CNTN4: variants seen among roughly 807,000 people sequenced by gnomAD.
CNTN4 encodes contactin-4.
In CNTN4, 77 loss-of-function variants were observed where a neutral mutation model predicts 122.5. That is an observed-to-expected ratio of 0.63 (90% CI 0.52 to 0.76). CNTN4 has a LOEUF of 0.76. Ranked by LOEUF, CNTN4 falls within the 30% of genes least tolerant of loss-of-function variation. CNTN4 has a pLI of 0.00. For synonymous variants in CNTN4, 512 were observed against 447.0 expected (o/e 1.15, Z -1.83); for missense variants, 1,256 against 1,259.1 (o/e 1.00, Z 0.04).
chr3:2,397,807 ACTTTCAT>A (rs1245579483), intron 3 of CNTN4, among the ~76,000 whole-genome samples: 1 of 152,166 alleles, frequency 6.6e-6, no homozygotes, highest in Non-Finnish European at 1.5e-5. Flanking sequence ...ATCTCTGCAA[ACTTTCAT>A]ATTATTCATA....
At chr3:2,905,019 G>A (rs1430085813) in intron 12 of CNTN4, among the ~76,000 whole-genome samples, 3 of 152,116 alleles carry the variant, frequency 2.0e-5, no homozygotes, top group Admixed American at 2.0e-4. Context: ...GAAAATAACA[G>A]AATATATGTG....
intron 2 of CNTN4, among the ~76,000 whole-genome samples, chr3:2,140,677 G>A (rs1390048937): frequency 6.6e-6 from 1 of 152,118 alleles, no homozygotes; most frequent in African/African-American, 2.4e-5. Flanking sequence ...TGAATTTTGG[G>A]GGAACATAAA....
intron 3 of CNTN4, among the ~76,000 whole-genome samples, chr3:2,462,664 AT>A (rs2049272355): frequency 6.6e-6 from 1 of 152,222 alleles, no homozygotes; most frequent in Non-Finnish European, 1.5e-5. Context: ...GAATAAAAAT[AT>A]TTTTATACCT....
chr3:2,543,933 A>G (rs992875535), intron 3 of CNTN4, among the ~76,000 whole-genome samples: 2 of 152,152 alleles, frequency 1.3e-5, no homozygotes, highest in African/African-American at 4.8e-5. Flanking sequence ...GTATGAAGGT[A>G]AGGAAGCGAC....
At chr3:3,027,954 C>T (rs1198687205) in intron 15 of CNTN4, among the ~76,000 whole-genome samples, 1 of 152,156 alleles carries the variant, frequency 6.6e-6, no homozygotes, top group Non-Finnish European at 1.5e-5. Flanking sequence ...CTAGTGCTAA[C>T]ACCAATCAAC....
At position 3,000,315 on chromosome 3, in the gene CNTN4, A is replaced by G. The variant is rs368902985; in HGVS notation, c.1486+11843A>G. Among the ~76,000 whole-genome samples the G allele has an allele frequency of 1.5e-3, 221 of 152,246 alleles. 2 individuals are homozygous for G. Among genetic ancestry groups the G allele is most frequent in the African/African-American group, 4.9e-3 (205 of 41,540 alleles). On this transcript the variant is annotated intron_variant, in intron 14 of 24. Coordinates refer to ENST00000418658, the MANE Select transcript of CNTN4 (RefSeq NM_175607.3). ...AGACATTAAAATTTGAAATCACCTTAAAGAGTGACAACTGGGATGATAGGA... is the reference window on the plus strand; with the variant it reads ...AGACATTAAAATTTGAAATCACCTTGAAGAGTGACAACTGGGATGATAGGA...
chr3:2,120,403 A>AT (rs1245238403), intron 2 of CNTN4, among the ~76,000 whole-genome samples: 1,701 of 35,430 alleles, frequency 0.048, 40 homozygotes, highest in Non-Finnish European at 0.058. Flanking sequence ...ATATATATAT[A>AT]TATTTTTTTT....
chr3:2,277,243 T>C (rs2041548412), intron 2 of CNTN4, among the ~76,000 whole-genome samples: 1 of 152,050 alleles, frequency 6.6e-6, no homozygotes, highest in Admixed American at 6.6e-5. Flanking sequence ...ATTGTTTCTC[T>C]TTTCTTGTTA....
intron 4 of CNTN4, among the ~76,000 whole-genome samples, chr3:2,651,658 C>G (rs2083363916): frequency 6.6e-6 from 1 of 151,900 alleles, no homozygotes; most frequent in Non-Finnish European, 1.5e-5. Flanking sequence ...TGAAACCAGC[C>G]TAGGCAACGT....
chr3:2,747,344 G>A (rs1345605491), intron 6 of CNTN4, among the ~76,000 whole-genome samples: 1 of 151,570 alleles, frequency 6.6e-6, no homozygotes, highest in East Asian at 1.9e-4. Context: ...GGGAGGCGGA[G>A]CTTGCAGTGA....
At chr3:2,377,190 CT>C (rs1189878189) in intron 3 of CNTN4, among the ~76,000 whole-genome samples, 2 of 151,296 alleles carry the variant, frequency 1.3e-5, no homozygotes, top group East Asian at 3.9e-4. Flanking sequence ...TGACAGAGCT[CT>C]TTTCATTCCA....
rs9820464 is a variant in CNTN4, at chr3:3,037,156, C to T, written c.1943-23C>T. On this transcript the variant is annotated intron_variant, in intron 17 of 24. Coordinates refer to ENST00000418658, the MANE Select transcript of CNTN4 (RefSeq NM_175607.3). ...GTTTTCTGAGAACCTATGAAACAGC[C>T]CCCACCTTTTGTTGTCTTTCAGTCC... The T allele has an allele frequency of 0.1, 166,393 of 1,612,886 alleles. 10,694 individuals carry two copies. The highest frequency in any genetic ancestry group is 0.31 in the African/African-American group (23,429 of 74,872).
intron 3 of CNTN4, among the ~76,000 whole-genome samples, chr3:2,565,825 C>G (rs141108813): frequency 1.3e-5 from 2 of 152,282 alleles, no homozygotes; most frequent in African/African-American, 4.8e-5. Context: ...GACTGCACCC[C>G]TCATTAGCTA....
intron 2 of CNTN4, among the ~76,000 whole-genome samples, chr3:2,187,411 G>A (rs2037323059): frequency 6.6e-6 from 1 of 152,122 alleles, no homozygotes; most frequent in Non-Finnish European, 1.5e-5. Flanking sequence ...GGCAATGCGG[G>A]CTCTTTTTTG....
chr3:2,750,670 A>G (rs2090045900), intron 6 of CNTN4, among the ~76,000 whole-genome samples: 1 of 152,092 alleles, frequency 6.6e-6, no homozygotes, highest in African/African-American at 2.4e-5. Flanking sequence ...CACTCCCCTC[A>G]CTGTCACTTA....
chr3:2,175,183 G>C (rs976016840), intron 2 of CNTN4, among the ~76,000 whole-genome samples: 4 of 152,094 alleles, frequency 2.6e-5, no homozygotes, highest in Non-Finnish European at 5.9e-5. Flanking sequence ...GTAGCTTCTA[G>C]GTTCACTGTC....
chr3:2,736,089 C>A, intron 4 of CNTN4, 126 bp from the exon 5 acceptor site: 1 of 956,596 alleles, frequency 1.0e-6, no homozygotes, highest in Non-Finnish European at 1.7e-6. Context: ...AGCTGAAACA[C>A]AGCCTGTTGT....
chr3:2,129,033 G>A (rs1559270555), intron 2 of CNTN4, among the ~76,000 whole-genome samples: 1 of 151,876 alleles, frequency 6.6e-6, no homozygotes, highest in Non-Finnish European at 1.5e-5. Flanking sequence ...CATTTTCTAT[G>A]GTAAAATATT....
intron 4 of CNTN4, among the ~76,000 whole-genome samples, chr3:2,719,560 T>C (rs991161644): frequency 3.3e-5 from 5 of 152,104 alleles, no homozygotes; most frequent in Non-Finnish European, 5.9e-5. Flanking sequence ...AGTGCTGGGA[T>C]TACAGGCATT....
Sources: gnomAD v4.1 joint callset for allele counts (sites outside exome capture counted in the v4.1 genomes callset) on GRCh38, gnomAD v4.1.1 for gene constraint, MANE v1.5 for transcripts, NCBI Gene and HGNC (gene_info 2026-07-23, HGNC 2026-07-21) for gene names.